HIVEP2: variants seen among roughly 807,000 people sequenced by gnomAD.
The protein encoded by HIVEP2 is transcription factor HIVEP2.
HIVEP2 carries 14 observed loss-of-function variants against 180.7 expected under a neutral mutation model. The ratio of observed to expected loss-of-function variants is 0.08; its 90% confidence interval spans 0.05 to 0.12. The LOEUF (loss-of-function observed/expected upper bound fraction) is 0.12, where lower values mean the gene tolerates loss of function less well. Among genes scored for constraint, HIVEP2 ranks in the 10% least tolerant of loss-of-function variants. The pLI, the probability that HIVEP2 is intolerant of heterozygous loss-of-function variation, is 1.00. For missense variants in HIVEP2, 2,579 were observed against 3,008.5 expected, an observed-to-expected ratio of 0.86 and a Z score of 3.34; for synonymous variants, 1,184 against 1,136.4, an observed-to-expected ratio of 1.04 and a Z score of -0.84.
At chr6:142,778,694 C>T (rs2114679636) in intron 3 of HIVEP2, among the ~76,000 whole-genome samples, 2 of 152,154 alleles carry the variant, frequency 1.3e-5, no homozygotes, top group East Asian at 1.9e-4. Context: ...TATTATTACA[C>T]CTATTTTACA....
At chr6:142,756,433 C>T (rs941081313) in intron 9 of HIVEP2, among the ~76,000 whole-genome samples, 4 of 152,150 alleles carry the variant, frequency 2.6e-5, no homozygotes, top group Admixed American at 6.5e-5. Context: ...CTGAATGGCA[C>T]GTTCTTTCAG....
chr6:142,893,514 C>T (rs1216856169), intron 1 of HIVEP2, among the ~76,000 whole-genome samples: 1 of 152,170 alleles, frequency 6.6e-6, no homozygotes, highest in Non-Finnish European at 1.5e-5. Flanking sequence ...TGATCTGACT[C>T]CCCTTTGCAG....
chr6:142,911,052 T>G (rs1316684788), intron 1 of HIVEP2, among the ~76,000 whole-genome samples: 1 of 151,158 alleles, frequency 6.6e-6, no homozygotes, highest in Non-Finnish European at 1.5e-5. Context: ...TAAAATTAAG[T>G]TTAAAAAGTT....
intron 1 of HIVEP2, among the ~76,000 whole-genome samples, chr6:142,929,734 T>C (rs1051179401): frequency 6.6e-6 from 1 of 152,168 alleles, no homozygotes; most frequent in Non-Finnish European, 1.5e-5. Flanking sequence ...TTAAAACTCA[T>C]TGTTTCATTC....
chr6:142,913,214 T>C (rs1268419089), intron 1 of HIVEP2, among the ~76,000 whole-genome samples: 3 of 152,222 alleles, frequency 2.0e-5, no homozygotes, highest in Admixed American at 2.0e-4. Flanking sequence ...TGTTACAACA[T>C]CTTCAAAAAC....
At chr6:142,819,547 A>G (rs553005856) in intron 2 of HIVEP2, among the ~76,000 whole-genome samples, 1 of 152,376 alleles carries the variant, frequency 6.6e-6, no homozygotes, top group Admixed American at 6.5e-5. Context: ...ATATTCTACT[A>G]TAAGGTAACA....
At chr6:142,879,499 C>A (rs1776529193) in intron 1 of HIVEP2, among the ~76,000 whole-genome samples, 1 of 152,172 alleles carries the variant, frequency 6.6e-6, no homozygotes, top group South Asian at 2.1e-4. Context: ...ACTAGCACTG[C>A]AAATTCAACC....
rs150202680 is a variant in HIVEP2, at chr6:142,900,159, C to T, written c.-641+44940G>A. Among the ~76,000 whole-genome samples, 670 of 152,264 alleles carry T rather than the reference C, an allele frequency of 4.4e-3. 5 individuals carry two copies. The highest frequency in any genetic ancestry group is 0.014 in the African/African-American group (578 of 41,542). On this transcript the variant is annotated intron_variant, in intron 1 of 9. Transcript: ENST00000367603. ...TAAAGTGGAACAGAGCAAAAATAAA[C>T]GTTTTTCAGATTGTGCTCTCATTTC...
intron 1 of HIVEP2, among the ~76,000 whole-genome samples, chr6:142,913,679 T>C (rs574628310): frequency 3.9e-4 from 59 of 152,250 alleles, no homozygotes; most frequent in African/African-American, 1.3e-3. Context: ...GAGAGCACAG[T>C]CGACTGCAGG....
rs1184189701 is a variant in HIVEP2, at chr6:142,771,551, C to G, written c.3188G>C (p.Gly1063Ala). 1.9e-6 allele frequency: 3 copies of G among 1,613,970 alleles called. No homozygotes were observed. The East Asian group carries it at 6.7e-5, about 36-fold the overall frequency. ...YGNLSHAPVS[G>A]AAASTVSPSR... ...CGGTGATACCGTGGAGGCTGCTGCT[C>G]CCGACACAGGAGCATGGGACAGATT... The change falls in exon 5 of 10, where the codon GGA becomes GCA. Residue 1063 changes from glycine (G) to alanine (A), a missense_variant. Physicochemically the swap from Gly to Ala is moderately conservative, Grantham distance 60. Transcript: ENST00000367603. The surrounding 1 kb of genome is among the most constrained non-coding windows in gnomAD (Gnocchi z 5.4).
intron 1 of HIVEP2, among the ~76,000 whole-genome samples, chr6:142,939,569 A>T (rs1378711665): frequency 6.6e-6 from 1 of 152,172 alleles, no homozygotes; most frequent in East Asian, 1.9e-4. Context: ...TTACTCAGTG[A>T]AATTCTACTT....
At chr6:142,786,603 A>G (rs1184781809) in intron 2 of HIVEP2, among the ~76,000 whole-genome samples, 1 of 152,066 alleles carries the variant, frequency 6.6e-6, no homozygotes, top group Non-Finnish European at 1.5e-5. Flanking sequence ...TTCTTAGAAG[A>G]AAAAAAATCC....
rs970522381 is a variant in HIVEP2, at chr6:142,771,773, C to T, written c.2966G>A (p.Ser989Asn). The change falls in exon 5 of 10, where the codon AGT (serine) becomes AAT (asparagine). Residue 989 changes from serine to asparagine, a missense_variant. By Grantham distance (46) the Ser-to-Asn change is conservative. This residue lies in a region of HIVEP2 where 523 missense variants were observed against 577.0 expected (regional missense o/e 0.91). Transcript: ENST00000367603. This position sits in a 1 kb window ranked among gnomAD's most constrained non-coding sequence, Gnocchi z 5.4. ...FSMSFEREETSKLSALPKQDE... is the reference protein window; with the variant it reads ...FSMSFEREETNKLSALPKQDE... The stretch of plus-strand genomic sequence containing the variant: ...CTGCTTAGGAAGTGCAGAAAGCTTA[C>T]TGGTTTCTTCTCTTTCAAAAGACAT... 12 of 1,614,192 alleles carry T rather than the reference C, an allele frequency of 7.4e-6. No individual in the cohort carries two copies. The highest frequency in any genetic ancestry group is 8.5e-6 in the Non-Finnish European group (10 of 1,180,032).
chr6:142,892,651 G>T (rs1406208812), intron 1 of HIVEP2, among the ~76,000 whole-genome samples: 1 of 152,170 alleles, frequency 6.6e-6, no homozygotes, highest in Non-Finnish European at 1.5e-5. Flanking sequence ...ATATTTTAAT[G>T]ACCTTTCAAA....
chr6:142,796,644 T>A (rs1776285330), intron 2 of HIVEP2, among the ~76,000 whole-genome samples: 1 of 152,212 alleles, frequency 6.6e-6, no homozygotes, highest in African/African-American at 2.4e-5. Flanking sequence ...TCCAGCTTTT[T>A]CTAATGTCAT....
In HIVEP2 at chr6:142,770,026, G is replaced by C; in HGVS notation, c.4713C>G (p.Ile1571Met). Residue 1571 changes from isoleucine (I) to methionine (M), a missense_variant, in exon 5 of 10, where the codon ATC becomes ATG. Physicochemically the swap from Ile to Met is conservative, Grantham distance 10. Around this residue, in one of 11 missense-constraint regions of HIVEP2, gnomAD observed 349 missense variants for 367.2 expected, o/e 0.95. Transcript: ENST00000367603. This position sits in a 1 kb window ranked among gnomAD's most constrained non-coding sequence, Gnocchi z 4.7. ...TGCTCATGTCCGATGCCGTCTCATC[G>C]ATATCTAATTCATCTGAAGATTCTT... ...ESKESSDELD[I>M]DETASDMSMS... 1.2e-6 allele frequency: 2 copies of C among 1,614,124 alleles called. No homozygotes were observed. The highest frequency in any genetic ancestry group is 8.5e-7 in the Non-Finnish European group (1 of 1,180,044).
At chr6:142,872,893 T>G (rs1391537582) in intron 1 of HIVEP2, among the ~76,000 whole-genome samples, 1 of 152,192 alleles carries the variant, frequency 6.6e-6, no homozygotes, top group Non-Finnish European at 1.5e-5. Context: ...GGTTAGCACC[T>G]TTTTGACTGA....
intron 2 of HIVEP2, among the ~76,000 whole-genome samples, chr6:142,821,616 T>C (rs1056085748): frequency 2.0e-5 from 3 of 152,242 alleles, no homozygotes; most frequent in African/African-American, 2.4e-5. Flanking sequence ...CTGTTAACTG[T>C]ATATTTTTCT....
chr6:142,919,679 C>T (rs981275441), intron 1 of HIVEP2, among the ~76,000 whole-genome samples: 7 of 152,144 alleles, frequency 4.6e-5, no homozygotes, highest in African/African-American at 1.4e-4. Flanking sequence ...ACCTATTAAG[C>T]TTTGGGAAAT....
Sources: allele counts gnomAD v4.1 joint callset (sites outside exome capture counted in the v4.1 genomes callset), GRCh38; gene constraint gnomAD v4.1.1; regional missense constraint gnomAD v4.1.1; non-coding constraint Gnocchi (gnomAD v3.1); transcripts MANE v1.5; gene names NCBI Gene and HGNC (gene_info 2026-07-23, HGNC 2026-07-21).